Variants in MITF observed in about 807,000 individuals in gnomAD.
MITF encodes the protein microphthalmia-associated transcription factor.
In MITF, 17 loss-of-function variants were observed where a neutral mutation model predicts 60.5. The observed-to-expected ratio is 0.28, with a 90% CI of 0.19 to 0.42. The LOEUF (loss-of-function observed/expected upper bound fraction) is 0.42, where lower values mean the gene tolerates loss of function less well. Among genes scored for constraint, MITF ranks in the 10% least tolerant of loss-of-function variants. The pLI, the probability that MITF is intolerant of heterozygous loss-of-function variation, is 1.00. For missense variants in MITF, 622 were observed against 683.5 expected (o/e 0.91, Z 1.00); for synonymous variants, 260 against 248.5 (o/e 1.05, Z -0.43).
chr3:69,866,256 G>A lies in MITF; in HGVS notation c.105-12878G>A, dbSNP rs776934527. 8.9e-5 allele frequency: 143 copies of A among 1,611,262 alleles called. 1 individual carries two copies. Among genetic ancestry groups the A allele is most frequent in the South Asian group, 4.9e-4 (44 of 90,452 alleles). ...GAACTAACTTTGACTTTCACTCTTC[G>A]CCAAGGGCTTGCAGAACACCTTAAA... On this transcript the variant is annotated intron_variant, in intron 1 of 9. Transcript: ENST00000352241.
intron 2 of MITF, among the ~76,000 whole-genome samples, chr3:69,898,730 G>C (rs2064932685): frequency 6.6e-6 from 1 of 152,194 alleles, no homozygotes; most frequent in Non-Finnish European, 1.5e-5. Context: ...GGATTGAAAA[G>C]TGTCTATTGG....
rs577519475 is a variant in MITF at position 69,796,228 on chromosome 3, G to T, written c.104+56527G>T. Reference sequence around the variant, plus strand: ...ATTCCTGACCTCAGGTGATCTGCCTGCCTCGGCCTCCTAAAGTGCTGGGAT... The same window carrying T: ...ATTCCTGACCTCAGGTGATCTGCCTTCCTCGGCCTCCTAAAGTGCTGGGAT... On this transcript the variant is annotated intron_variant, in intron 1 of 9. Transcript: ENST00000352241. Among the ~76,000 whole-genome samples the T allele has an allele frequency of 2.0e-5, 3 of 152,092 alleles. No individual in the cohort carries two copies. In the East Asian group the frequency reaches 5.8e-4, roughly 29 times the overall value.
At chr3:69,872,014 A>G (rs1051574253) in intron 1 of MITF, among the ~76,000 whole-genome samples, 2 of 152,220 alleles carry the variant, frequency 1.3e-5, no homozygotes, top group African/African-American at 4.8e-5. Context: ...CAGAGTAAGC[A>G]AGAATTCTAG....
intron 1 of MITF, among the ~76,000 whole-genome samples, chr3:69,816,115 C>T (rs2063177834): frequency 6.6e-6 from 1 of 152,112 alleles, no homozygotes; most frequent in South Asian, 2.1e-4. Flanking sequence ...TCCTGGTAGT[C>T]ATTCTTTCTC....
At chr3:69,765,670 G>A (rs2062279436) in intron 1 of MITF, among the ~76,000 whole-genome samples, 1 of 152,208 alleles carries the variant, frequency 6.6e-6, no homozygotes, top group Non-Finnish European at 1.5e-5. Flanking sequence ...TTTCATAAGA[G>A]AGTGGATTTA....
At chr3:69,897,899 A>G (rs531669268) in intron 2 of MITF, among the ~76,000 whole-genome samples, 11 of 152,340 alleles carry the variant, frequency 7.2e-5, no homozygotes, top group African/African-American at 2.6e-4. Context: ...AGTCATTATT[A>G]TTCTGTACTG....
At chr3:69,918,603 GATCTCTGGTT>G (rs1467582625) in intron 2 of MITF, among the ~76,000 whole-genome samples, 2 of 152,180 alleles carry the variant, frequency 1.3e-5, no homozygotes, top group African/African-American at 2.4e-5. Context: ...TCAGGGTTCA[GATCTCTGGTT>G]ATATGAAAGC....
Position 69,949,111 on chromosome 3 carries a change from C to G in MITF, c.823C>G (p.Leu275Val). ...AAACCAAGGTCTGCCCCCACCAGGC[C>G]TCACCATCAGCAACTCCTGTCCAGC... ...YGNQGLPPPGLTISNSCPANL... is the reference protein window; with the variant it reads ...YGNQGLPPPGVTISNSCPANL... The change falls in exon 6 of 10, where the codon CTC (leucine) becomes GTC (valine). Residue 275 changes from leucine to valine, a missense_variant. Transcript: ENST00000352241. The G allele has an allele frequency of 6.2e-7, 1 of 1,613,770 alleles. No homozygotes were observed. The highest frequency in any genetic ancestry group is 8.5e-7 in the Non-Finnish European group (1 of 1,179,848).
At chr3:69,833,301 T>G (rs2063482412) in intron 1 of MITF, among the ~76,000 whole-genome samples, 1 of 152,260 alleles carries the variant, frequency 6.6e-6, no homozygotes, top group African/African-American at 2.4e-5. Context: ...TGTATGTGGT[T>G]GTTTCCCTGT....
intron 2 of MITF, among the ~76,000 whole-genome samples, chr3:69,930,659 G>A (rs2065700349): frequency 6.6e-6 from 1 of 152,214 alleles, no homozygotes; most frequent in South Asian, 2.1e-4. Flanking sequence ...GATGAAGGCA[G>A]CAGTCCAGGT....
intron 7 of MITF, among the ~76,000 whole-genome samples, chr3:69,953,104 C>T (rs1403890321): frequency 6.6e-6 from 1 of 152,122 alleles, no homozygotes; most frequent in East Asian, 1.9e-4. Context: ...TTAAAAGCTA[C>T]ACCCCTCCCC....
chr3:69,875,358 G>A (rs1009869104), intron 1 of MITF, among the ~76,000 whole-genome samples: 3 of 152,218 alleles, frequency 2.0e-5, no homozygotes, highest in East Asian at 1.9e-4. Flanking sequence ...TCAGAGTTCC[G>A]TAGTCTAGGT....
intron 2 of MITF, among the ~76,000 whole-genome samples, chr3:69,926,213 A>C (rs1031395416): frequency 6.6e-6 from 1 of 152,200 alleles, no homozygotes; most frequent in Admixed American, 6.5e-5. Flanking sequence ...ATAATCTATA[A>C]GGCAAGTTTT....
rs187720633 is a variant in MITF, at chr3:69,926,873, A to T, written c.355-10949A>T. 1.7e-4 allele frequency among the ~76,000 whole-genome samples: 26 copies of T among 152,336 alleles called. No homozygotes were observed. In the East Asian group the frequency reaches 4.6e-3, roughly 27 times the overall value. On this transcript the variant is annotated intron_variant, in intron 2 of 9. Coordinates refer to ENST00000352241, the MANE Select transcript of MITF (RefSeq NM_001354604.2). Reference sequence around the variant, plus strand: ...TTCAAGAAAAAGTTGAAACAAGGCGAATTTCACCATTGTGTAACCCCTTCA... The same window carrying T: ...TTCAAGAAAAAGTTGAAACAAGGCGTATTTCACCATTGTGTAACCCCTTCA...
chr3:69,843,805 A>G (rs767669374), intron 1 of MITF, among the ~76,000 whole-genome samples: 3 of 152,188 alleles, frequency 2.0e-5, no homozygotes, highest in Non-Finnish European at 4.4e-5. Context: ...CAGGTTTGTT[A>G]CATAGGTATA....
Position 69,876,699 on chromosome 3 carries a change from G to A in MITF, c.105-2435G>A, listed in dbSNP as rs533285267. ...AAAATGTAGGAAAACATGAAGGAAA[G>A]AGGGTTTGTGTTTTCTGGAATGCTG... is the stretch of plus-strand genomic sequence containing the variant. On this transcript the variant is annotated intron_variant, in intron 1 of 9. Coordinates refer to ENST00000352241, the MANE Select transcript of MITF (RefSeq NM_001354604.2). Among the ~76,000 whole-genome samples the A allele has an allele frequency of 9.8e-5, 15 of 152,286 alleles. No individual in the cohort carries two copies. The East Asian group carries it at 2.9e-3, about 29-fold the overall frequency.
At chr3:69,747,513 T>G (rs1703774689) in intron 1 of MITF, among the ~76,000 whole-genome samples, 1 of 152,194 alleles carries the variant, frequency 6.6e-6, no homozygotes, top group African/African-American at 2.4e-5. Context: ...AAGGCTTCTG[T>G]GAAGATAAAA....
intron 1 of MITF, among the ~76,000 whole-genome samples, chr3:69,844,433 A>G (rs985156641): frequency 9.9e-5 from 15 of 152,166 alleles, no homozygotes; most frequent in Non-Finnish European, 1.5e-5. Context: ...GAAAACTGAA[A>G]CTGGACCCCT....
intron 2 of MITF, among the ~76,000 whole-genome samples, chr3:69,915,377 T>G (rs1212975471): frequency 2.0e-5 from 3 of 152,056 alleles, no homozygotes; most frequent in Non-Finnish European, 4.4e-5. Flanking sequence ...CAAGAATATA[T>G]ATCATAAGCA....
Sources: gnomAD v4.1 joint callset for allele counts (sites outside exome capture counted in the v4.1 genomes callset) on GRCh38, gnomAD v4.1.1 for gene constraint, MANE v1.5 for transcripts, NCBI Gene and HGNC (gene_info 2026-07-23, HGNC 2026-07-21) for gene names.